Variants in PLD1 observed in about 807,000 individuals in gnomAD.
PLD1 encodes the protein phospholipase D1.
A neutral mutation model predicts 137.1 loss-of-function variants in PLD1; 112 were observed. The observed-to-expected ratio is 0.82, with a 90% CI of 0.70 to 0.96. PLD1 has a LOEUF of 0.96. Among genes scored for constraint, PLD1 ranks in the 40% least tolerant of loss-of-function variants. The pLI is 0.00. For synonymous variants in PLD1, 431 were observed against 454.7 expected, an observed-to-expected ratio of 0.95 and a Z score of 0.66; for missense variants, 1,321 against 1,342.0, an observed-to-expected ratio of 0.98 and a Z score of 0.24.
At chr3:171,638,186 A>C (rs968250636) in intron 23 of PLD1, among the ~76,000 whole-genome samples, 1 of 83,642 alleles carries the variant, frequency 1.2e-5, no homozygotes, top group African/African-American at 6.5e-5. Context: ...CTCCGTCTCA[A>C]AAAAAAAAAA....
chr3:171,642,836 T>G lies in PLD1; in HGVS notation c.2593+4A>C. ...ATGATATGAGAAAAAAAGCAGTTACTTACGCTCTGCTTTTAACTGTCCAAG... is the reference window on the plus strand; with the variant it reads ...ATGATATGAGAAAAAAAGCAGTTACGTACGCTCTGCTTTTAACTGTCCAAG... On this transcript the variant is annotated splice_donor_region_variant and intron_variant, in intron 23 of 26. Transcript: ENST00000351298. 1 of 1,554,070 alleles carries G rather than the reference T, an allele frequency of 6.4e-7. No individual in the cohort carries two copies. Among genetic ancestry groups the G allele is most frequent in the Non-Finnish European group, 8.8e-7 (1 of 1,135,912 alleles).
chr3:171,730,534 T>C (rs2108251791), intron 6 of PLD1, among the ~76,000 whole-genome samples: 1 of 152,228 alleles, frequency 6.6e-6, no homozygotes, highest in Non-Finnish European at 1.5e-5. Flanking sequence ...ACTGTCCATG[T>C]CTAATTTCAG....
chr3:171,712,470 A>T (rs977742318), intron 9 of PLD1, among the ~76,000 whole-genome samples: 1 of 152,234 alleles, frequency 6.6e-6, no homozygotes, highest in Non-Finnish European at 1.5e-5. Context: ...ATCAAGGGGG[A>T]AAACAAGAAC....
At chr3:171,662,375 A>G (rs1468515814) in intron 19 of PLD1, among the ~76,000 whole-genome samples, 2 of 152,206 alleles carry the variant, frequency 1.3e-5, no homozygotes, top group African/African-American at 4.8e-5. Flanking sequence ...CCTTGGATGT[A>G]GTCCATAAGG....
In PLD1 at chr3:171,724,763, C is replaced by T; in HGVS notation, c.691G>A (p.Gly231Arg). The change falls in exon 8 of 27, where the codon GGA (glycine) becomes AGA (arginine). Residue 231 changes from glycine to arginine, a missense_variant. Physicochemically the swap from Gly to Arg is moderately radical, Grantham distance 125. Transcript: ENST00000351298. ...TTCAAGCCTGGTATTCTGTGTCCTC[C>T]AGATCTTTTCATTATCATACCTTCT... ...GIEGMIMKRSGGHRIPGLNCC... is the reference protein window; with the variant it reads ...GIEGMIMKRSRGHRIPGLNCC... The T allele has an allele frequency of 6.2e-7, 1 of 1,608,592 alleles. No homozygotes were observed.
chr3:171,620,499 T>C lies in PLD1; in HGVS notation c.2615A>G (p.Tyr872Cys). 1 of 1,589,870 alleles carries C rather than the reference T, an allele frequency of 6.3e-7. No homozygotes were observed. The change falls in exon 24 of 27, where the codon TAC becomes TGC. Residue 872 changes from tyrosine to cysteine, a missense_variant. Physicochemically the swap from Tyr to Cys is radical, Grantham distance 194. Coordinates refer to ENST00000351298, the MANE Select transcript of PLD1 (RefSeq NM_002662.5). Reference protein sequence around the residue: ...KAELGNQWINYISFCGLRTHA... With the variant: ...KAELGNQWINCISFCGLRTHA... ...TGTTCTAAGACCACAGAATGATATG[T>C]AATTTATCCACTGATTACCAACTGC...
At chr3:171,637,708 A>T (rs1735251011) in intron 23 of PLD1, among the ~76,000 whole-genome samples, 2 of 152,176 alleles carry the variant, frequency 1.3e-5, no homozygotes, top group Admixed American at 1.3e-4. Flanking sequence ...CTACTACACA[A>T]ATCATATAGT....
At chr3:171,657,105 T>C (rs1207631719) in intron 21 of PLD1, among the ~76,000 whole-genome samples, 3 of 152,170 alleles carry the variant, frequency 2.0e-5, no homozygotes, top group South Asian at 2.1e-4. Flanking sequence ...GTTAGTGGCC[T>C]AGACAAGTCA....
intron 1 of PLD1, among the ~76,000 whole-genome samples, chr3:171,762,536 G>C (rs887401441): frequency 6.6e-6 from 1 of 152,170 alleles, no homozygotes; most frequent in Non-Finnish European, 1.5e-5. Flanking sequence ...AAGTGTAGCG[G>C]GGACCCAGAG....
Position 171,687,441 on chromosome 3 carries a change from A to G in PLD1, c.1683T>C (p.Ser561=), listed in dbSNP as rs139390007. The stretch of plus-strand genomic sequence containing the variant: ...GGTGCCTGTGGAGCTGCTTGTAGAG[A>G]CTAAATTTGGAGAACTTTCTTGGCT... ...IGKPRKFSKF[S]LYKQLHRHHL... is the part of the protein sequence containing the mutation. Residue 561 remains serine, a synonymous_variant, in exon 15 of 27, where the codon AGT becomes AGC. Transcript: ENST00000351298. 332 of 1,614,056 alleles carry G rather than the reference A, an allele frequency of 2.1e-4. 1 individual carries two copies. In the South Asian group the frequency reaches 3.3e-3, roughly 16 times the overall value.
At chr3:171,736,678 A>T in intron 3 of PLD1, among the ~76,000 whole-genome samples, 1 of 152,140 alleles carries the variant, frequency 6.6e-6, no homozygotes, top group South Asian at 2.1e-4. Context: ...AAAGACAAGG[A>T]GGAAGGGAAG....
intron 23 of PLD1, among the ~76,000 whole-genome samples, chr3:171,639,850 A>G (rs71308517): frequency 1.0e-5 from 1 of 99,708 alleles, no homozygotes; most frequent in Non-Finnish European, 2.1e-5. Flanking sequence ...CTCTCTCTCT[A>G]TATATATATA....
intron 15 of PLD1, 25 bp from the exon 16 acceptor site, chr3:171,686,823 C>A (rs1714614113): frequency 1.8e-6 from 2 of 1,109,546 alleles, no homozygotes; most frequent in Admixed American, 2.1e-5. Flanking sequence ...AATTTTTTTA[C>A]AAAAAAATAC....
At chr3:171,614,149 T>TGTGA (rs1488322133) in intron 24 of PLD1, among the ~76,000 whole-genome samples, 1 of 152,306 alleles carries the variant, frequency 6.6e-6, no homozygotes, top group African/African-American at 2.4e-5. Flanking sequence ...TGACTATGGA[T>TGTGA]GTGAGTGTTT....
rs1216268681 is a variant in PLD1, at chr3:171,709,630, C to A, written c.991G>T (p.Gly331Cys). The change falls in exon 10 of 27, where the codon GGC becomes TGC. Residue 331 changes from glycine (G) to cysteine (C), a missense_variant. Coordinates refer to ENST00000351298, the MANE Select transcript of PLD1 (RefSeq NM_002662.5). The part of the protein sequence containing the change: ...GAIEEFIQKH[G>C]TNFLKDHRFG... Reference sequence around the variant, plus strand: ...CGATGATCTTTGAGAAAGTTGGTGCCATGTTTCTGGATGAATTCTTCTATA... The same window carrying A: ...CGATGATCTTTGAGAAAGTTGGTGCAATGTTTCTGGATGAATTCTTCTATA... The A allele has an allele frequency of 6.2e-7, 1 of 1,613,954 alleles. No individual in the cohort carries two copies. The highest frequency in any genetic ancestry group is 1.1e-5 in the South Asian group (1 of 91,080).
chr3:171,711,915 A>T (rs902583130), intron 9 of PLD1, among the ~76,000 whole-genome samples: 1 of 152,112 alleles, frequency 6.6e-6, no homozygotes, highest in Non-Finnish European at 1.5e-5. Context: ...AGAGGGAAAA[A>T]TAAGTTATCC....
chr3:171,703,662 T>C (rs374779827), intron 11 of PLD1, among the ~76,000 whole-genome samples: 1 of 151,802 alleles, frequency 6.6e-6, no homozygotes, highest in African/African-American at 2.4e-5. Flanking sequence ...CTGAGAAAAA[T>C]TACATAAGAG....
intron 1 of PLD1, among the ~76,000 whole-genome samples, chr3:171,756,549 G>A (rs746508380): frequency 5.9e-5 from 9 of 152,160 alleles, no homozygotes; most frequent in African/African-American, 9.7e-5. Context: ...GGTGAGGTTC[G>A]GGGGGAAGAA....
chr3:171,781,305 C>T (rs1257826214), intron 1 of PLD1, among the ~76,000 whole-genome samples: 1 of 151,626 alleles, frequency 6.6e-6, no homozygotes, highest in Non-Finnish European at 1.5e-5. Flanking sequence ...TGACCTCACA[C>T]CACACTCAAA....
Sources: allele counts gnomAD v4.1 joint callset (sites outside exome capture counted in the v4.1 genomes callset), GRCh38; gene constraint gnomAD v4.1.1; transcripts MANE v1.5; gene names NCBI Gene and HGNC (gene_info 2026-07-23, HGNC 2026-07-21).